TSHR: variants seen among roughly 807,000 people sequenced by gnomAD.
TSHR encodes the protein thyroid stimulating hormone receptor, also known as thyrotropin receptor.
A neutral mutation model predicts 64.1 loss-of-function variants in TSHR; 51 were observed. The ratio of observed to expected loss-of-function variants is 0.80; its 90% CI spans 0.64 to 1.01. The LOEUF is 1.01. Ranked by LOEUF, TSHR falls within the 50% of genes least tolerant of loss-of-function variation. TSHR has a pLI of 0.00. For synonymous variants in TSHR, 361 were observed against 361.9 expected, an observed-to-expected ratio of 1.00 and a Z score of 0.03; for missense variants, 877 against 942.8, an observed-to-expected ratio of 0.93 and a Z score of 0.91.
chr14:81,050,018 A>G (rs963011690), intron 1 of TSHR: 4 of 152,246 alleles, frequency 2.6e-5, no homozygotes, highest in African/African-American at 4.8e-5. Context: ...TGTTCCCAGT[A>G]ATATTGAAGG....
At chr14:81,118,745 G>C (rs1287212930) in intron 8 of TSHR, among the ~76,000 whole-genome samples, 2 of 152,112 alleles carry the variant, frequency 1.3e-5, no homozygotes, top group Non-Finnish European at 2.9e-5. Flanking sequence ...AAAGAACAAA[G>C]CTGGAGGCAT....
At chr14:81,104,249 A>G (rs1014289327) in intron 7 of TSHR, 1 of 985,310 alleles carries the variant, frequency 1.0e-6, no homozygotes, top group Non-Finnish European at 1.2e-6. Flanking sequence ...CATGAGAGGT[A>G]GGCAGGGGGT....
chr14:81,116,064 C>T (rs1381567502), intron 8 of TSHR, among the ~76,000 whole-genome samples: 34 of 151,838 alleles, frequency 2.2e-4, no homozygotes, highest in African/African-American at 4.6e-4. Context: ...CGGTACCAGC[C>T]GCTGCAAAAT....
At chr14:81,068,195 G>A (rs1886795698) in intron 2 of TSHR, 59 bp from the exon 3 acceptor site, 12 of 1,521,666 alleles carry the variant, frequency 7.9e-6, no homozygotes, top group South Asian at 4.5e-5. Flanking sequence ...AAAATAGTAT[G>A]TTTGAAGTTT....
intron 1 of TSHR, among the ~76,000 whole-genome samples, chr14:81,044,048 A>G (rs1459162605): frequency 2.0e-5 from 3 of 152,226 alleles, no homozygotes; most frequent in Non-Finnish European, 4.4e-5. Context: ...TGATAAAAAC[A>G]CCGAAAGCAA....
intron 3 of TSHR, among the ~76,000 whole-genome samples, chr14:81,072,961 C>T (rs1887196491): frequency 9.1e-6 from 1 of 109,764 alleles, no homozygotes; most frequent in Non-Finnish European, 1.7e-5. Flanking sequence ...CCCGCCACTG[C>T]ACTCCAGCCT....
intron 3 of TSHR, among the ~76,000 whole-genome samples, chr14:81,081,520 GT>G (rs1220607424): frequency 1.3e-5 from 2 of 152,018 alleles, no homozygotes; most frequent in Non-Finnish European, 2.9e-5. Context: ...GTGTTTCAAA[GT>G]TTTTTACAAT....
intron 8 of TSHR, among the ~76,000 whole-genome samples, chr14:81,114,724 G>A (rs1890408285): frequency 6.6e-6 from 1 of 152,194 alleles, no homozygotes; most frequent in Non-Finnish European, 1.5e-5. Flanking sequence ...ACCTCTGGGG[G>A]CAGGGCACAG....
intron 8 of TSHR, among the ~76,000 whole-genome samples, chr14:81,124,299 C>T (rs762259803): frequency 5.9e-5 from 9 of 151,832 alleles, no homozygotes; most frequent in Non-Finnish European, 1.0e-4. Context: ...GAGTCCTTAC[C>T]GGCATGCCTG....
chr14:80,987,739 C>T (rs982820406), intron 1 of TSHR, among the ~76,000 whole-genome samples: 1 of 152,176 alleles, frequency 6.6e-6, no homozygotes, highest in Non-Finnish European at 1.5e-5. Flanking sequence ...TCTTCACTGC[C>T]GCTGTTTCTT....
intron 8 of TSHR, among the ~76,000 whole-genome samples, chr14:81,113,651 CAA>C (rs1890331853): frequency 1.3e-5 from 2 of 151,870 alleles, no homozygotes; most frequent in Admixed American, 6.6e-5. Flanking sequence ...TTTTTAATGA[CAA>C]AGAGTAGGAA....
In TSHR at chr14:81,144,118, G is replaced by A; in HGVS notation, c.2060G>A (p.Arg687Lys). ...LYAIFTKAFQ[R>K]DVFILLSKFG... Reference sequence around the variant, plus strand: ...GCTATTTTCACCAAGGCCTTCCAGAGGGATGTGTTCATCCTACTCAGCAAG... The same window carrying A: ...GCTATTTTCACCAAGGCCTTCCAGAAGGATGTGTTCATCCTACTCAGCAAG... Residue 687 changes from arginine (R) to lysine (K), a missense_variant, in exon 10 of 10, where the codon AGG becomes AAG. By Grantham distance (26) the Arg-to-Lys change is conservative (BLOSUM62 2). Coordinates refer to ENST00000298171, the MANE Select transcript of TSHR (RefSeq NM_000369.5). 3 of 1,614,130 alleles carry A rather than the reference G, an allele frequency of 1.9e-6. No homozygotes were observed. Among genetic ancestry groups the A allele is most frequent in the Non-Finnish European group, 2.5e-6 (3 of 1,180,026 alleles).
At chr14:81,111,098 T>C (rs12883448) in intron 8 of TSHR, among the ~76,000 whole-genome samples, 87,629 of 152,052 alleles carry the variant, frequency 0.58, 26,246 homozygotes, top group Middle Eastern at 0.71. Context: ...CAGATATTTT[T>C]TACTTATTAA....
chr14:81,004,093 C>G lies in TSHR; in HGVS notation c.170+48243C>G, dbSNP rs1411695523. On this transcript the variant is annotated intron_variant, in intron 1 of 9. Coordinates refer to ENST00000298171, the MANE Select transcript of TSHR (RefSeq NM_000369.5). Reference sequence around the variant, plus strand: ...CTCTATTTTATTTCATTTCACTTTTCTAAAATTATGGTTATGATACCCTAA... The same window carrying G: ...CTCTATTTTATTTCATTTCACTTTTGTAAAATTATGGTTATGATACCCTAA... 2.6e-5 allele frequency among the ~76,000 whole-genome samples: 4 copies of G among 152,180 alleles called. No homozygotes were observed. In the East Asian group the frequency reaches 7.7e-4, roughly 29 times the overall value.
At chr14:80,992,558 A>G (rs1382378118) in intron 1 of TSHR, 1 of 152,170 alleles carries the variant, frequency 6.6e-6, no homozygotes, top group African/African-American at 2.4e-5. Flanking sequence ...GAGATACTCA[A>G]GAGGACAGAC....
Position 81,108,438 on chromosome 14 carries a change from T to C in TSHR, c.678T>C (p.Ser226=), listed in dbSNP as rs752332777. 1 of 1,613,788 alleles carries C rather than the reference T, an allele frequency of 6.2e-7. No homozygotes were observed. Among genetic ancestry groups the C allele is most frequent in the East Asian group, 2.2e-5 (1 of 44,860 alleles). Residue 226 remains serine (S), a synonymous_variant, in exon 8 of 10, where the codon AGT becomes AGC. Coordinates refer to ENST00000298171, the MANE Select transcript of TSHR (RefSeq NM_000369.5). ...AAGATGCATTTGGAGGAGTATACAG[T>C]GGACCAAGCTTGCTGTGAGTAAGAC... ...IDKDAFGGVY[S]GPSLLDVSQT...
At chr14:80,993,767 C>A (rs1190134807) in intron 1 of TSHR, 1 of 151,880 alleles carries the variant, frequency 6.6e-6, no homozygotes, top group African/African-American at 2.4e-5. Context: ...ATATTTTAGG[C>A]CCTTCTGAGT....
At position 81,103,095 on chromosome 14, in the gene TSHR, T is replaced by C; in HGVS notation, c.615-5280T>C. 1 of 985,334 alleles carries C rather than the reference T, an allele frequency of 1.0e-6. No individual in the cohort carries two copies. The highest frequency in any genetic ancestry group is 1.2e-6 in the Non-Finnish European group (1 of 829,904). The allele number at this position is 985,334 out of a possible 1,614,324, so 61.0% of individuals were successfully genotyped here. A position where few individuals can be genotyped will look rare whatever the true frequency, so the allele number is the denominator to read the frequency against. ...ATGTAAATCCAGTGTAAAATCAAAA[T>C]GATGGTTGTGATAAGGAGCCCTGGG... On this transcript the variant is annotated intron_variant, in intron 7 of 9. Transcript: ENST00000298171. This position sits in a 1 kb window ranked among gnomAD's most constrained non-coding sequence, Gnocchi z 4.1.
intron 1 of TSHR, among the ~76,000 whole-genome samples, chr14:80,981,375 A>G (rs1401969735): frequency 6.6e-6 from 1 of 152,192 alleles, no homozygotes; most frequent in Non-Finnish European, 1.5e-5. Flanking sequence ...CGTCAGGAGC[A>G]GGACGACTCT....
Sources: gnomAD v4.1 joint callset for allele counts (sites outside exome capture counted in the v4.1 genomes callset) on GRCh38, gnomAD v4.1.1 for gene constraint, Gnocchi (gnomAD v3.1) non-coding constraint, MANE v1.5 for transcripts, NCBI Gene and HGNC (gene_info 2026-07-23, HGNC 2026-07-21) for gene names.